SCAMP5: variants seen among roughly 807,000 people sequenced by gnomAD.
The protein encoded by SCAMP5 is secretory carrier membrane protein 5.
In SCAMP5, 7 loss-of-function variants were observed where a neutral mutation model predicts 28.3. That is an observed-to-expected ratio of 0.25 (90% CI 0.14 to 0.46). The LOEUF is 0.46. SCAMP5 is among the 20% of genes least tolerant of loss of function. SCAMP5 has a pLI of 0.99. For missense variants in SCAMP5, 192 were observed against 312.5 expected, an observed-to-expected ratio of 0.61 and a Z score of 2.91; for synonymous variants, 117 against 116.4, an observed-to-expected ratio of 1.00 and a Z score of -0.03.
At chr15:75,003,244 C>G (rs1259045824) in intron 1 of SCAMP5, among the ~76,000 whole-genome samples, 1 of 152,108 alleles carries the variant, frequency 6.6e-6, no homozygotes, top group Non-Finnish European at 1.5e-5. Flanking sequence ...AATGTTTTTT[C>G]TTACTTTTGG....
chr15:75,011,044 A>G (rs2065806621), intron 1 of SCAMP5, among the ~76,000 whole-genome samples: 1 of 152,048 alleles, frequency 6.6e-6, no homozygotes, highest in African/African-American at 2.4e-5. Flanking sequence ...TCTCTACAAA[A>G]AAATATAAAA....
chr15:75,002,107 A>G (rs2065715408), intron 1 of SCAMP5, among the ~76,000 whole-genome samples: 1 of 152,024 alleles, frequency 6.6e-6, no homozygotes, highest in South Asian at 2.1e-4. Flanking sequence ...CCCTGTCTCA[A>G]ATAAAAAATA....
intron 2 of SCAMP5, 125 bp from the exon 3 acceptor site, chr15:75,012,551 TG>T: frequency 1.8e-6 from 2 of 1,106,908 alleles, no homozygotes; most frequent in Non-Finnish European, 2.7e-6. Context: ...GACGGCTGGG[TG>T]GGGAAAGCAG....
At chr15:75,016,826 C>CTT in intron 4 of SCAMP5, 77 bp downstream of exon 4, 1 of 1,208,228 alleles carries the variant, frequency 8.3e-7, no homozygotes, top group Non-Finnish European at 1.1e-6. Context: ...TCTTTTCTCA[C>CTT]TTCTTTTTTT....
At chr15:75,004,195 C>T (rs562304913) in intron 1 of SCAMP5, among the ~76,000 whole-genome samples, 18 of 152,186 alleles carry the variant, frequency 1.2e-4, no homozygotes, top group African/African-American at 3.9e-4. Flanking sequence ...TGAGCCACCA[C>T]GTCTGGCCTA....
chr15:75,015,451 G>GA (rs2065850018), intron 3 of SCAMP5, among the ~76,000 whole-genome samples: 1 of 145,260 alleles, frequency 6.9e-6, no homozygotes, highest in Non-Finnish European at 1.5e-5. Context: ...GGTGGGGACA[G>GA]AGGGGGGGGG....
intron 1 of SCAMP5, among the ~76,000 whole-genome samples, chr15:75,004,732 C>CAAAAAA (rs879434866): frequency 8.2e-6 from 1 of 122,502 alleles, no homozygotes. Context: ...GACCCTGTCT[C>CAAAAAA]AAAAAAAAAA....
In SCAMP5 at chr15:75,012,657, G is replaced by T. The variant is rs1431953226; in HGVS notation, c.8-20G>T. ...GGTGGAAGACTGGAGGTGATGTTGT[G>T]CAATGTGTCTCATCCACAGAGAAAG... On this transcript the variant is annotated intron_variant, in intron 2 of 6. Coordinates refer to ENST00000425597, the MANE Select transcript of SCAMP5 (RefSeq NM_138967.4). 16 of 1,613,802 alleles carry T rather than the reference G, an allele frequency of 9.9e-6. No homozygotes were observed. The highest frequency in any genetic ancestry group is 1.4e-5 in the Non-Finnish European group (16 of 1,179,700).
chr15:75,014,509 AG>A (rs2065842261), intron 3 of SCAMP5, among the ~76,000 whole-genome samples: 1 of 152,216 alleles, frequency 6.6e-6, no homozygotes. Flanking sequence ...GCCACACACA[AG>A]GTTCATTTGA....
rs543212900 is a variant in SCAMP5 at position 75,001,915 on chromosome 15, A to G, written c.-49+6242A>G. ...AAAAAAAAAGAGACTAACCTGGGCA[A>G]CATGGTGAAACCCCATCTCTACCAA... On this transcript the variant is annotated intron_variant, in intron 1 of 6. Coordinates refer to ENST00000425597, the MANE Select transcript of SCAMP5 (RefSeq NM_138967.4). Among the ~76,000 whole-genome samples, 21 of 150,380 alleles carry G rather than the reference A, an allele frequency of 1.4e-4. 1 individual carries two copies. In the South Asian group the frequency reaches 4.0e-3, roughly 29 times the overall value.
rs200660538 is a variant in SCAMP5, at chr15:75,018,855, G to T, written c.580G>T (p.Ala194Ser). 2.3e-5 allele frequency: 37 copies of T among 1,596,032 alleles called. No homozygotes were observed. Among genetic ancestry groups the T allele is most frequent in the Non-Finnish European group, 3.0e-5 (35 of 1,175,404 alleles). Residue 194 changes from alanine to serine, a missense_variant, in exon 7 of 7, where the codon GCC becomes TCC. Transcript: ENST00000425597. The surrounding 1 kb of genome is among the most constrained non-coding windows in gnomAD (Gnocchi z 5.6). ...SKAQEEWTTG[A>S]WKNPHVQQAA... The stretch of plus-strand genomic sequence containing the variant: ...AGCTCAGGAGGAGTGGACCACAGGG[G>T]CCTGGAAGAATCCACATGTGCAGCA...
rs2065858085 is a variant in SCAMP5, at chr15:75,016,215, AAG to A, written c.137-377_137-376del. On this transcript the variant is annotated intron_variant, in intron 3 of 6. Transcript: ENST00000425597. ...CACCCTGAGGCTTTGGGGCCCTTCAAAGGGGCTTGCTGGGCAGAAGCTCTGGG... is the reference window on the plus strand; with the variant it reads ...CACCCTGAGGCTTTGGGGCCCTTCAAGGGCTTGCTGGGCAGAAGCTCTGGG... Among the ~76,000 whole-genome samples the A allele has an allele frequency of 3.9e-5, 6 of 152,192 alleles. No homozygotes were observed. In the South Asian group the frequency reaches 1.2e-3, roughly 32 times the overall value.
intron 1 of SCAMP5, among the ~76,000 whole-genome samples, chr15:75,002,316 G>C (rs926773042): frequency 6.6e-6 from 1 of 151,708 alleles, no homozygotes; most frequent in African/African-American, 2.4e-5. Context: ...CACGGGCTTT[G>C]TCTATCAGGT....
At chr15:75,000,629 C>A (rs529015396) in intron 1 of SCAMP5, among the ~76,000 whole-genome samples, 178 of 151,954 alleles carry the variant, frequency 1.2e-3, no homozygotes, top group Middle Eastern at 0.01. Context: ...CGTGATCCGC[C>A]CACCTCGGCC....
At chr15:75,014,867 T>C (rs2065845547) in intron 3 of SCAMP5, among the ~76,000 whole-genome samples, 1 of 152,154 alleles carries the variant, frequency 6.6e-6, no homozygotes, top group Non-Finnish European at 1.5e-5. Flanking sequence ...TAGTGTCTTT[T>C]CTATATAAAG....
At chr15:75,010,160 G>C (rs1055423116) in intron 1 of SCAMP5, among the ~76,000 whole-genome samples, 3 of 152,114 alleles carry the variant, frequency 2.0e-5, no homozygotes, top group East Asian at 3.9e-4. Context: ...TACTTAGCAT[G>C]GGTCAGCCAG....
At chr15:75,003,182 C>T (rs550790025) in intron 1 of SCAMP5, among the ~76,000 whole-genome samples, 1 of 152,204 alleles carries the variant, frequency 6.6e-6, no homozygotes, top group Non-Finnish European at 1.5e-5. Context: ...CTCGGCCTCT[C>T]AAAGTGCTGG....
At chr15:74,998,417 C>G (rs942765752) in intron 1 of SCAMP5, among the ~76,000 whole-genome samples, 5 of 151,974 alleles carry the variant, frequency 3.3e-5, no homozygotes, top group African/African-American at 1.2e-4. Context: ...ACCAGCCTGG[C>G]CAACATGGTG....
At chr15:75,012,037 G>A (rs1321433708) in intron 2 of SCAMP5, among the ~76,000 whole-genome samples, 191 bp downstream of exon 2, 6 of 152,212 alleles carry the variant, frequency 3.9e-5, no homozygotes, top group Admixed American at 3.9e-4. Flanking sequence ...CTAGCCCTCT[G>A]TCAGATCTTT....
Sources: gnomAD v4.1 joint callset for allele counts (sites outside exome capture counted in the v4.1 genomes callset) on GRCh38, gnomAD v4.1.1 for gene constraint, Gnocchi (gnomAD v3.1) non-coding constraint, MANE v1.5 for transcripts, NCBI Gene and HGNC (gene_info 2026-07-23, HGNC 2026-07-21) for gene names.